Variants in STK3 observed in about 807,000 individuals in gnomAD.
The protein encoded by STK3 is serine/threonine kinase 3.
In STK3, 41 loss-of-function variants were observed where a neutral mutation model predicts 58.0. That is an observed-to-expected ratio of 0.71 (90% CI 0.55 to 0.92). STK3 has a LOEUF of 0.92. Among genes scored for constraint, STK3 ranks in the 40% least tolerant of loss-of-function variants. The pLI is 0.00. For synonymous variants in STK3, 170 were observed against 191.0 expected (o/e 0.89, Z 0.91); for missense variants, 479 against 602.7 (o/e 0.79, Z 2.15).
chr8:98,470,534 G>A (rs1312386857), intron 10 of STK3, among the ~76,000 whole-genome samples: 2 of 152,182 alleles, frequency 1.3e-5, no homozygotes, highest in African/African-American at 4.8e-5. Context: ...TGTTTCTATA[G>A]TCAGAATAGT....
chr8:98,542,630 C>T (rs969138234), intron 9 of STK3, among the ~76,000 whole-genome samples: 1 of 152,178 alleles, frequency 6.6e-6, no homozygotes, highest in Admixed American at 6.5e-5. Flanking sequence ...ATTTTTATCA[C>T]CGCATGGGAA....
At chr8:98,423,225 C>T (rs753157973) in intron 3 of STK3, among the ~76,000 whole-genome samples, 2 of 152,232 alleles carry the variant, frequency 1.3e-5, no homozygotes, top group African/African-American at 2.4e-5. Context: ...ATATACGTGT[C>T]GTGAAGGCAC....
chr8:98,429,323 T>C (rs756748509), intron 3 of STK3: 3 of 1,614,186 alleles, frequency 1.9e-6, no homozygotes, highest in East Asian at 2.2e-5. Context: ...GGGACTATTA[T>C]GCCCATAAAG....
At chr8:98,353,568 A>G in the STK3 span, among the ~76,000 whole-genome samples, 1 of 152,224 alleles carries the variant, frequency 6.6e-6, no homozygotes, top group African/African-American at 2.4e-5. Flanking sequence ...TATTCCCAAG[A>G]TATCTCATTA....
chr8:98,816,307 A>G (rs1834536333), intron 1 of STK3, among the ~76,000 whole-genome samples: 1 of 152,222 alleles, frequency 6.6e-6, no homozygotes, highest in Admixed American at 6.5e-5. Flanking sequence ...TGAGCCCAGG[A>G]GTTCAAGACC....
chr8:98,401,895 C>G (rs116800711), intron 3 of STK3, among the ~76,000 whole-genome samples: 1 of 152,024 alleles, frequency 6.6e-6, no homozygotes, highest in Non-Finnish European at 1.5e-5. Flanking sequence ...AGGTTACAGA[C>G]GAGCAATTAT....
intron 7 of STK3, among the ~76,000 whole-genome samples, chr8:98,585,522 G>C (rs1414992341): frequency 2.0e-5 from 3 of 150,276 alleles, no homozygotes; most frequent in Non-Finnish European, 4.4e-5. Context: ...TTTGAAGTCA[G>C]GTAGTGTGAT....
intron 6 of STK3, among the ~76,000 whole-genome samples, chr8:98,665,222 C>T (rs1324716951): frequency 6.6e-6 from 1 of 152,208 alleles, no homozygotes; most frequent in African/African-American, 2.4e-5. Flanking sequence ...ACGTAATTCA[C>T]AGAGATCGTA....
intron 6 of STK3, among the ~76,000 whole-genome samples, chr8:98,629,102 G>C (rs1415170123): frequency 6.6e-6 from 1 of 152,092 alleles, no homozygotes; most frequent in African/African-American, 2.4e-5. Context: ...CCCAATAAGA[G>C]ATTTGTGACT....
intron 4 of STK3, among the ~76,000 whole-genome samples, chr8:98,712,009 C>G (rs1448843551): frequency 1.3e-5 from 2 of 152,106 alleles, no homozygotes; most frequent in African/African-American, 2.4e-5. Context: ...ATTTTCAACC[C>G]AGAATTTCAT....
In STK3 at chr8:98,638,855, T is replaced by A. The variant is rs546141794; in HGVS notation, c.685-42686A>T. ...TTTTACTCAATTATTTATAGGACAGTTCTTGGAAATAATGTTACAATGAAA... is the reference window on the plus strand; with the variant it reads ...TTTTACTCAATTATTTATAGGACAGATCTTGGAAATAATGTTACAATGAAA... On this transcript the variant is annotated intron_variant, in intron 6 of 10. Transcript: ENST00000419617. 4.1e-4 allele frequency among the ~76,000 whole-genome samples: 63 copies of A among 152,214 alleles called. 1 individual carries two copies. The Middle Eastern group carries it at 0.01, about 25-fold the overall frequency.
intron 1 of STK3, among the ~76,000 whole-genome samples, chr8:98,938,293 G>A (rs1840268710): frequency 6.6e-6 from 1 of 152,194 alleles, no homozygotes; most frequent in Non-Finnish European, 1.5e-5. Flanking sequence ...TGGTCCAGTG[G>A]AGGCAGCTCT....
chr8:98,434,427 G>C (rs1006591481), intron 2 of STK3: 2 of 152,216 alleles, frequency 1.3e-5, no homozygotes, highest in Non-Finnish European at 2.9e-5. Flanking sequence ...CTTAAATGTT[G>C]CATGTACACG....
chr8:98,719,685 G>A (rs1563927698), intron 4 of STK3, among the ~76,000 whole-genome samples: 1 of 152,132 alleles, frequency 6.6e-6, no homozygotes, highest in Non-Finnish European at 1.5e-5. Context: ...ACTCATTTGG[G>A]CATCAATCTA....
chr8:98,854,846 C>G (rs924719408), intron 3 of STK3, among the ~76,000 whole-genome samples: 3 of 152,088 alleles, frequency 2.0e-5, no homozygotes, highest in Admixed American at 2.0e-4. Context: ...ACTTTGAGGT[C>G]AAGAGTTTGA....
chr8:98,344,660 G>A, the STK3 span, among the ~76,000 whole-genome samples: 2 of 152,112 alleles, frequency 1.3e-5, no homozygotes, highest in Non-Finnish European at 2.9e-5. Flanking sequence ...TTGGGAAGCC[G>A]AGGCGGGCGG....
chr8:98,600,471 G>A (rs1404792548), intron 6 of STK3, among the ~76,000 whole-genome samples: 5 of 152,108 alleles, frequency 3.3e-5, no homozygotes, highest in Admixed American at 2.0e-4. Flanking sequence ...CTAATTTTAC[G>A]ACTGAGGCTC....
At chr8:98,376,529 T>C (rs1200267868) in intron 2 of STK3, among the ~76,000 whole-genome samples, 25 of 152,252 alleles carry the variant, frequency 1.6e-4, no homozygotes, top group Admixed American at 1.6e-3. Flanking sequence ...TATGTTTCCT[T>C]CTCAAAATTT....
At chr8:98,461,631 G>A (rs1444515452) in intron 10 of STK3, among the ~76,000 whole-genome samples, 1 of 152,078 alleles carries the variant, frequency 6.6e-6, no homozygotes, top group Non-Finnish European at 1.5e-5. Context: ...TCTACCTTTC[G>A]TTTCATGATT....
Sources: gnomAD v4.1 joint callset for allele counts (sites outside exome capture counted in the v4.1 genomes callset) on GRCh38, gnomAD v4.1.1 for gene constraint, MANE v1.5 for transcripts, NCBI Gene and HGNC (gene_info 2026-07-23, HGNC 2026-07-21) for gene names.